KDM4B: variants seen among roughly 807,000 people sequenced by gnomAD.
The protein encoded by KDM4B is lysine demethylase 4B, also known as lysine-specific demethylase 4B.
KDM4B carries 32 observed loss-of-function variants against 125.2 expected under a neutral mutation model. That is an observed-to-expected ratio of 0.26 (90% CI 0.19 to 0.34). The LOEUF (loss-of-function observed/expected upper bound fraction) is 0.34, where lower values mean the gene tolerates loss of function less well. Among genes scored for constraint, KDM4B ranks in the 10% least tolerant of loss-of-function variants. The pLI, the probability that KDM4B is intolerant of heterozygous loss-of-function variation, is 1.00. For synonymous variants in KDM4B, 721 were observed against 677.9 expected (o/e 1.06, Z -0.99); for missense variants, 1,190 against 1,577.7 (o/e 0.75, Z 4.16).
At chr19:5,048,331 CGTGAGTGAGT>C (rs937843593) in intron 6 of KDM4B, among the ~76,000 whole-genome samples, 42 of 152,244 alleles carry the variant, frequency 2.8e-4, no homozygotes, top group African/African-American at 1.0e-3. Context: ...TGAGTGCGCA[CGTGAGTGAGT>C]GTGAGTATGC....
At chr19:5,122,866 C>T (rs1025618078) in intron 11 of KDM4B, among the ~76,000 whole-genome samples, 1 of 152,376 alleles carries the variant, frequency 6.6e-6, no homozygotes, top group East Asian at 1.9e-4. Flanking sequence ...GTGCCCAGCC[C>T]TGGAAGCCGG....
intron 9 of KDM4B, among the ~76,000 whole-genome samples, chr19:5,085,439 T>C (rs1285079784): frequency 6.6e-6 from 1 of 152,206 alleles, no homozygotes; most frequent in Admixed American, 6.5e-5. Flanking sequence ...GGGCTTGTCC[T>C]GGAGGTGCTG....
intron 10 of KDM4B, chr19:5,113,223 GC>G (rs1315238536): frequency 6.6e-6 from 1 of 151,106 alleles, no homozygotes; most frequent in African/African-American, 2.4e-5. Context: ...CTCCCGCGCC[GC>G]CATCCTGGGG....
chr19:5,107,112 G>A (rs570622727), intron 9 of KDM4B, among the ~76,000 whole-genome samples: 2 of 152,334 alleles, frequency 1.3e-5, no homozygotes, highest in East Asian at 1.9e-4. Context: ...CACTGAGGGG[G>A]CACCGCCACC....
chr19:5,123,613 AG>A (rs1483017599), intron 11 of KDM4B, among the ~76,000 whole-genome samples: 7 of 152,244 alleles, frequency 4.6e-5, no homozygotes, highest in Admixed American at 1.3e-4. Flanking sequence ...GGCTTCCTGC[AG>A]GGCAGGAGCA....
intron 1 of KDM4B, among the ~76,000 whole-genome samples, chr19:5,006,379 C>T (rs913713941): frequency 2.6e-5 from 4 of 152,108 alleles, no homozygotes; most frequent in African/African-American, 9.7e-5. Flanking sequence ...CTTCCTGGCA[C>T]TCCAGGCCCC....
At chr19:5,040,037 T>G in intron 4 of KDM4B, 26 bp downstream of exon 4, 4 of 1,589,322 alleles carry the variant, frequency 2.5e-6, no homozygotes, top group Non-Finnish European at 3.4e-6. Context: ...AGGGCGGACC[T>G]GACCCCCGCC....
intron 1 of KDM4B, among the ~76,000 whole-genome samples, chr19:5,007,055 C>T (rs72990130): frequency 0.29 from 43,436 of 151,870 alleles, 7,299 homozygotes; most frequent in East Asian, 0.69. Flanking sequence ...GGGACCTGGG[C>T]GGAACGGGGG....
At chr19:5,128,993 GCCAGTGCCC>G (rs2039498388) in intron 11 of KDM4B, among the ~76,000 whole-genome samples, 2 of 152,164 alleles carry the variant, frequency 1.3e-5, no homozygotes, top group East Asian at 1.9e-4. Flanking sequence ...GAGGAGCCCG[GCCAGTGCCC>G]CCAGTGCCCC....
chr19:5,048,426 C>T (rs1308248044), intron 6 of KDM4B, among the ~76,000 whole-genome samples: 1 of 152,190 alleles, frequency 6.6e-6, no homozygotes, highest in African/African-American at 2.4e-5. Context: ...GCGGGGCTGC[C>T]CTGCACTGTC....
At chr19:5,031,681 C>T (rs1027700220) in intron 2 of KDM4B, among the ~76,000 whole-genome samples, 5 of 152,322 alleles carry the variant, frequency 3.3e-5, no homozygotes, top group Admixed American at 2.6e-4. Context: ...AGGGGGCGAC[C>T]TCGGCTTTGC....
intron 1 of KDM4B, among the ~76,000 whole-genome samples, chr19:4,982,416 C>A (rs1369656771): frequency 7.3e-6 from 1 of 137,880 alleles, no homozygotes; most frequent in Non-Finnish European, 1.5e-5. Context: ...CGCACCACTG[C>A]GCTCCAGCCT....
intron 1 of KDM4B, among the ~76,000 whole-genome samples, chr19:4,982,919 A>T (rs2034695375): frequency 6.6e-6 from 1 of 152,078 alleles, no homozygotes; most frequent in African/African-American, 2.4e-5. Context: ...CCTAAAAGTG[A>T]TGTATGTTTT....
intron 9 of KDM4B, among the ~76,000 whole-genome samples, chr19:5,094,383 C>T (rs1309321550): frequency 6.6e-6 from 1 of 152,112 alleles, no homozygotes; most frequent in Non-Finnish European, 1.5e-5. Flanking sequence ...CGTCAGAGGT[C>T]GGGGGCTGCA....
chr19:4,996,824 G>C (rs569553622), intron 1 of KDM4B, among the ~76,000 whole-genome samples: 3 of 152,278 alleles, frequency 2.0e-5, no homozygotes, highest in South Asian at 4.1e-4. Flanking sequence ...CAAACCCAAA[G>C]CTTCTCAAAT....
chr19:5,036,420 C>CT (rs2036628140), intron 3 of KDM4B, among the ~76,000 whole-genome samples: 2 of 152,338 alleles, frequency 1.3e-5, no homozygotes, highest in South Asian at 4.1e-4. Flanking sequence ...GCTGGGCCCT[C>CT]CACACGGGGT....
chr19:5,041,260 G>T lies in KDM4B; in HGVS notation c.432+9G>T. 1 of 1,601,712 alleles carries T rather than the reference G, an allele frequency of 6.2e-7. No homozygotes were observed. Among genetic ancestry groups the T allele is most frequent in the Non-Finnish European group, 8.5e-7 (1 of 1,169,606 alleles). ...GCTCTTTGTATGATGACGTAAGTAT[G>T]AGGCTCCGGGGAAGAACAGGGACCA... is the stretch of plus-strand genomic sequence containing the variant. On this transcript the variant is annotated intron_variant, in intron 5 of 22. Coordinates refer to ENST00000159111, the MANE Select transcript of KDM4B (RefSeq NM_015015.3).
intron 9 of KDM4B, among the ~76,000 whole-genome samples, chr19:5,093,578 C>T (rs916823887): frequency 3.9e-5 from 6 of 152,234 alleles, no homozygotes; most frequent in African/African-American, 7.2e-5. Context: ...GGGGCCCACT[C>T]GTCCTTCCCA....
intron 6 of KDM4B, among the ~76,000 whole-genome samples, chr19:5,057,066 G>GTGTGTGTGTGCA (rs60055348): frequency 1.8e-5 from 1 of 55,884 alleles, no homozygotes; most frequent in Non-Finnish European, 3.3e-5. Flanking sequence ...GTGTGTGTGT[G>GTGTGTGTGTGCA]CGCGCGCGCG....
Sources: gnomAD v4.1 joint callset for allele counts (sites outside exome capture counted in the v4.1 genomes callset) on GRCh38, gnomAD v4.1.1 for gene constraint, MANE v1.5 for transcripts, NCBI Gene and HGNC (gene_info 2026-07-23, HGNC 2026-07-21) for gene names.